The following ZNF385D variants were observed in gnomAD, a reference collection of about 807,000 sequenced individuals.
ZNF385D encodes the protein zinc finger protein 659.
A neutral mutation model predicts 35.8 loss-of-function variants in ZNF385D; 15 were observed. The ratio of observed to expected loss-of-function variants is 0.42; its 90% confidence interval spans 0.28 to 0.64. The LOEUF (loss-of-function observed/expected upper bound fraction) is 0.64. ZNF385D is among the 30% of genes least tolerant of loss of function. The pLI, the probability that ZNF385D is intolerant of heterozygous loss-of-function variation, is 0.23. For missense variants in ZNF385D, 474 were observed against 494.6 expected (o/e 0.96, Z 0.39); for synonymous variants, 212 against 186.8 (o/e 1.13, Z -1.10).
At chr3:21,426,928 G>T (rs2125203996) in intron 5 of ZNF385D, among the ~76,000 whole-genome samples, 1 of 152,156 alleles carries the variant, frequency 6.6e-6, no homozygotes, top group South Asian at 2.1e-4. Flanking sequence ...AACCTAGATG[G>T]CCTATTTTAA....
chr3:21,972,860 T>A (rs902290483), intron 3 of ZNF385D, among the ~76,000 whole-genome samples: 1 of 151,896 alleles, frequency 6.6e-6, no homozygotes, highest in Non-Finnish European at 1.5e-5. Flanking sequence ...TCTACTAAGA[T>A]TGAACCGTGA....
At chr3:21,554,834 A>G (rs1478768401) in intron 3 of ZNF385D, among the ~76,000 whole-genome samples, 1 of 152,152 alleles carries the variant, frequency 6.6e-6, no homozygotes, top group Non-Finnish European at 1.5e-5. Context: ...CCAGCTTCAG[A>G]CATTTTTTTC....
chr3:21,838,105 G>T (rs898510609), intron 3 of ZNF385D, among the ~76,000 whole-genome samples: 26 of 152,016 alleles, frequency 1.7e-4, no homozygotes, highest in African/African-American at 6.3e-4. Flanking sequence ...TGATTATAAA[G>T]ATTAACAATG....
intron 2 of ZNF385D, among the ~76,000 whole-genome samples, chr3:22,234,803 C>A (rs1195311615): frequency 6.6e-6 from 1 of 151,716 alleles, no homozygotes; most frequent in Non-Finnish European, 1.5e-5. Flanking sequence ...AATGGAGTAC[C>A]AAAATGGGCC....
intron 2 of ZNF385D, among the ~76,000 whole-genome samples, chr3:21,581,362 A>G (rs2063656976): frequency 6.6e-6 from 1 of 152,146 alleles, no homozygotes; most frequent in Non-Finnish European, 1.5e-5. Flanking sequence ...GAGTCGGCAA[A>G]GCTAATACAG....
At chr3:22,185,338 T>A (rs923872307) in intron 2 of ZNF385D, among the ~76,000 whole-genome samples, 2 of 152,218 alleles carry the variant, frequency 1.3e-5, no homozygotes, top group African/African-American at 2.4e-5. Flanking sequence ...TGCTCGTTAG[T>A]AAAACAACTA....
At chr3:22,198,544 AT>A (rs1240245459) in intron 2 of ZNF385D, among the ~76,000 whole-genome samples, 2 of 152,124 alleles carry the variant, frequency 1.3e-5, no homozygotes, top group Non-Finnish European at 2.9e-5. Flanking sequence ...AATTGTAGGT[AT>A]TTGTAAAGCA....
At chr3:22,210,529 T>C (rs996560553) in intron 2 of ZNF385D, among the ~76,000 whole-genome samples, 2 of 151,686 alleles carry the variant, frequency 1.3e-5, no homozygotes, top group East Asian at 1.9e-4. Context: ...AAGAAAGAAA[T>C]GATTTGGGTC....
At chr3:21,423,487 A>C (rs1054194488) in intron 7 of ZNF385D, among the ~76,000 whole-genome samples, 1 of 152,214 alleles carries the variant, frequency 6.6e-6, no homozygotes, top group African/African-American at 2.4e-5. Context: ...AGGAGGTTTC[A>C]CAGGATTCCT....
intron 3 of ZNF385D, among the ~76,000 whole-genome samples, chr3:22,099,899 T>C (rs1340485216): frequency 2.0e-5 from 2 of 98,180 alleles, no homozygotes; most frequent in Non-Finnish European, 4.5e-5. Flanking sequence ...ACTGAGATCC[T>C]GGTAAAACCT....
Position 22,153,773 on chromosome 3 carries a change from C to T in ZNF385D, c.325+15044G>A, listed in dbSNP as rs60280598. Among the ~76,000 whole-genome samples the T allele has an allele frequency of 2.0e-5, 3 of 152,034 alleles. No individual in the cohort carries two copies. In the East Asian group the frequency reaches 5.8e-4, roughly 29 times the overall value. ...TTCTTAACAGATTTTTAGCAACGGA[C>T]TCTGCATTTTTCATTTTGTAGTGGG... On this transcript the variant is annotated intron_variant, in intron 3 of 5. Transcript: ENST00000494108.
chr3:21,807,859 C>G (rs2072723890), intron 3 of ZNF385D, among the ~76,000 whole-genome samples: 1 of 152,144 alleles, frequency 6.6e-6, no homozygotes, highest in African/African-American at 2.4e-5. Flanking sequence ...TCATAGTTAC[C>G]TAGTTGCTTA....
intron 3 of ZNF385D, among the ~76,000 whole-genome samples, chr3:22,104,241 T>C (rs1452630599): frequency 2.6e-5 from 4 of 152,246 alleles, no homozygotes; most frequent in South Asian, 4.1e-4. Flanking sequence ...CTCCTACATA[T>C]GGCATCCTCT....
At chr3:22,090,537 C>T (rs7634324) in intron 3 of ZNF385D, among the ~76,000 whole-genome samples, 20,099 of 151,976 alleles carry the variant, frequency 0.13, 1,422 homozygotes, top group Non-Finnish European at 0.16. Flanking sequence ...GTTCAATTCA[C>T]AGCCTAAGGG....
At position 22,261,918 on chromosome 3, in the gene ZNF385D, T is replaced by TTTG. The variant is rs903881941; in HGVS notation, c.107-92886_107-92884dup. On this transcript the variant is annotated intron_variant, in intron 2 of 5. Transcript: ENST00000494108. ...TCCTATTGATGTATCTTAACCTTTT[T>TTTG]TTGTTGTTGTTGTTGTTAAACTCTC... Among the ~76,000 whole-genome samples the TTTG allele has an allele frequency of 1.1e-4, 17 of 151,966 alleles. 1 individual carries two copies. Among genetic ancestry groups the TTTG allele is most frequent in the Admixed American group, 3.9e-4 (6 of 15,238 alleles).
chr3:21,929,546 G>T (rs944697419), intron 3 of ZNF385D, among the ~76,000 whole-genome samples: 1 of 151,952 alleles, frequency 6.6e-6, no homozygotes, highest in Non-Finnish European at 1.5e-5. Context: ...AATTATTTAT[G>T]TAGAACATTC....
intron 3 of ZNF385D, among the ~76,000 whole-genome samples, chr3:22,139,730 C>T (rs975960708): frequency 1.3e-5 from 2 of 151,790 alleles, no homozygotes; most frequent in South Asian, 2.1e-4. Flanking sequence ...CAAACCTGCA[C>T]GTTATGCACA....
intron 2 of ZNF385D, among the ~76,000 whole-genome samples, chr3:22,361,032 GAAAA>G (rs1257956610): frequency 6.6e-6 from 1 of 151,924 alleles, no homozygotes; most frequent in South Asian, 2.1e-4. Flanking sequence ...CATTTATGAG[GAAAA>G]AAAGTCACAG....
At chr3:21,738,813 G>A (rs2069369861) in intron 1 of ZNF385D, among the ~76,000 whole-genome samples, 1 of 152,138 alleles carries the variant, frequency 6.6e-6, no homozygotes, top group Admixed American at 6.5e-5. Context: ...ATAAACAAAA[G>A]TGTGATTATG....
Sources: gnomAD v4.1 joint callset for allele counts (sites outside exome capture counted in the v4.1 genomes callset) on GRCh38, gnomAD v4.1.1 for gene constraint, MANE v1.5 for transcripts, NCBI Gene and HGNC (gene_info 2026-07-23, HGNC 2026-07-21) for gene names.